DLGAP2: variants seen among roughly 807,000 people sequenced by gnomAD.
DLGAP2 encodes the protein disks large-associated protein 2.
DLGAP2 carries 26 observed loss-of-function variants against 100.3 expected under a neutral mutation model. The observed-to-expected ratio is 0.26, with a 90% CI of 0.19 to 0.36. The LOEUF is 0.36. Ranked by LOEUF, DLGAP2 falls within the 10% of genes least tolerant of loss-of-function variation. The pLI is 1.00. For missense variants in DLGAP2, 1,858 were observed against 1,453.2 expected, an observed-to-expected ratio of 1.28 and a Z score of -4.53; for synonymous variants, 886 against 630.1, an observed-to-expected ratio of 1.41 and a Z score of -6.08.
At chr8:1,411,492 C>T (rs1796729908) in intron 3 of DLGAP2, among the ~76,000 whole-genome samples, 1 of 152,232 alleles carries the variant, frequency 6.6e-6, no homozygotes, top group Admixed American at 6.5e-5. Context: ...TTGCCTCCGG[C>T]TCCCTAGCCT....
At position 1,183,532 on chromosome 8, in the gene DLGAP2, C is replaced by G. The variant is rs147053049; in HGVS notation, c.74-75319C>G. Among the ~76,000 whole-genome samples the G allele has an allele frequency of 3.2e-4, 48 of 152,278 alleles. 1 individual carries two copies. The East Asian group carries it at 8.7e-3, about 28-fold the overall frequency. On this transcript the variant is annotated intron_variant, in intron 2 of 14. Coordinates refer to ENST00000637795, the MANE Select transcript of DLGAP2 (RefSeq NM_001346810.2). ...GAAATATCCTTACTGATTTGTTAAT[C>G]ACAGCAGCCTATGAGGTAGCTGCTG...
chr8:1,054,851 AT>A (rs1193886584), intron 2 of DLGAP2, among the ~76,000 whole-genome samples: 1 of 152,210 alleles, frequency 6.6e-6, no homozygotes, highest in Non-Finnish European at 1.5e-5. Context: ...TATCTAAAAC[AT>A]TTTTTATTAT....
intron 3 of DLGAP2, among the ~76,000 whole-genome samples, chr8:1,273,316 C>G (rs910942104): frequency 6.6e-6 from 1 of 152,114 alleles, no homozygotes; most frequent in Non-Finnish European, 1.5e-5. Context: ...GAGAGCCCTG[C>G]TGGGGACTTG....
chr8:1,215,428 C>T (rs1363599724), intron 2 of DLGAP2, among the ~76,000 whole-genome samples: 6 of 150,868 alleles, frequency 4.0e-5, no homozygotes, highest in Non-Finnish European at 7.4e-5. Context: ...TGGAGACGTC[C>T]AGGTACCTGG....
At chr8:1,432,105 A>C (rs1797468237) in intron 3 of DLGAP2, among the ~76,000 whole-genome samples, 2 of 152,268 alleles carry the variant, frequency 1.3e-5, no homozygotes, top group South Asian at 2.1e-4. Flanking sequence ...GCTGCCATCC[A>C]TCGGGGCTGA....
intron 2 of DLGAP2, among the ~76,000 whole-genome samples, chr8:1,036,397 G>T (rs1385315794): frequency 2.0e-5 from 3 of 152,242 alleles, no homozygotes; most frequent in Non-Finnish European, 4.4e-5. Context: ...TGGGGCTGGC[G>T]AGAGCTCAGC....
intron 4 of DLGAP2, among the ~76,000 whole-genome samples, chr8:1,545,029 A>C (rs6995384): frequency 0.96 from 145,816 of 152,208 alleles, 69,898 homozygotes; most frequent in East Asian, 1. Flanking sequence ...CCATACCTGG[A>C]CTATTTTTGA....
chr8:953,032 A>C (rs1349525911), intron 2 of DLGAP2, among the ~76,000 whole-genome samples: 4 of 152,182 alleles, frequency 2.6e-5, no homozygotes, highest in Non-Finnish European at 5.9e-5. Flanking sequence ...TGGTTCACTG[A>C]ATTATGCAGG....
intron 3 of DLGAP2, among the ~76,000 whole-genome samples, chr8:1,495,202 C>T (rs1799508221): frequency 6.6e-6 from 1 of 152,156 alleles, no homozygotes; most frequent in East Asian, 1.9e-4. Context: ...GTTGCCTGCT[C>T]GTGTGGTGGC....
chr8:891,813 C>T (rs575060426), intron 1 of DLGAP2, among the ~76,000 whole-genome samples: 1 of 152,152 alleles, frequency 6.6e-6, no homozygotes, highest in Admixed American at 6.5e-5. Context: ...TTCTCACTGC[C>T]TGGGGATACA....
chr8:850,059 TAAA>T (rs369727619), intron 1 of DLGAP2, among the ~76,000 whole-genome samples: 54 of 129,306 alleles, frequency 4.2e-4, no homozygotes, highest in Admixed American at 2.9e-3. Flanking sequence ...GGAGACTGTC[TAAA>T]AAAAAAAAAA....
At chr8:1,533,238 C>T (rs1801041493) in intron 4 of DLGAP2, among the ~76,000 whole-genome samples, 1 of 151,946 alleles carries the variant, frequency 6.6e-6, no homozygotes, top group African/African-American at 2.4e-5. Flanking sequence ...GTGGCTCATG[C>T]CTGTAATTCC....
intron 1 of DLGAP2, among the ~76,000 whole-genome samples, chr8:840,983 T>C (rs1038533618): frequency 6.6e-6 from 1 of 152,234 alleles, no homozygotes; most frequent in Non-Finnish European, 1.5e-5. Context: ...TCTCTGGTGA[T>C]GTCAGAAAGT....
intron 3 of DLGAP2, among the ~76,000 whole-genome samples, chr8:1,376,691 C>T (rs997222916): frequency 8.4e-6 from 1 of 118,392 alleles, no homozygotes. Context: ...CGGCGGATGG[C>T]GGGGACAGGG....
intron 3 of DLGAP2, among the ~76,000 whole-genome samples, chr8:1,270,070 C>T (rs1344475501): frequency 1.3e-5 from 2 of 152,146 alleles, no homozygotes; most frequent in Non-Finnish European, 1.5e-5. Flanking sequence ...TTTCCCATTT[C>T]CCTTGGGGTC....
chr8:1,205,327 G>T (rs981850247), intron 2 of DLGAP2, among the ~76,000 whole-genome samples: 9 of 152,220 alleles, frequency 5.9e-5, no homozygotes, highest in Admixed American at 3.9e-4. Flanking sequence ...CGGGCAGCCT[G>T]TTCCTCAGGG....
intron 8 of DLGAP2, among the ~76,000 whole-genome samples, chr8:1,638,361 T>G (rs1797818120): frequency 6.6e-6 from 1 of 151,936 alleles, no homozygotes; most frequent in Non-Finnish European, 1.5e-5. Context: ...GGGACCAGCT[T>G]GTGAGGACCC....
chr8:1,211,052 C>G (rs375236669), intron 2 of DLGAP2, among the ~76,000 whole-genome samples: 15 of 152,248 alleles, frequency 9.9e-5, no homozygotes, highest in African/African-American at 3.4e-4. Flanking sequence ...GGCTCTTCCG[C>G]CAGCCTTGGG....
chr8:1,478,909 G>T (rs980800811), intron 3 of DLGAP2, among the ~76,000 whole-genome samples: 3 of 152,248 alleles, frequency 2.0e-5, no homozygotes, highest in African/African-American at 7.2e-5. Flanking sequence ...GAGGTTGAGG[G>T]AGATGACGGC....
Sources: gnomAD v4.1 joint callset for allele counts (sites outside exome capture counted in the v4.1 genomes callset) on GRCh38, gnomAD v4.1.1 for gene constraint, MANE v1.5 for transcripts, NCBI Gene and HGNC (gene_info 2026-07-23, HGNC 2026-07-21) for gene names.